UNC13C: variants seen among roughly 807,000 people sequenced by gnomAD.
UNC13C encodes protein unc-13 homolog C.
In UNC13C, 174 loss-of-function variants were observed where a neutral mutation model predicts 245.4. That is an observed-to-expected ratio of 0.71 (90% CI 0.63 to 0.80). UNC13C has a LOEUF of 0.80. Ranked by LOEUF, UNC13C falls within the 30% of genes least tolerant of loss-of-function variation. The pLI, the probability that UNC13C is intolerant of heterozygous loss-of-function variation, is 0.00. For synonymous variants in UNC13C, 992 were observed against 895.1 expected, an observed-to-expected ratio of 1.11 and a Z score of -1.93; for missense variants, 2,829 against 2,602.9, an observed-to-expected ratio of 1.09 and a Z score of -1.89.
chr15:53,940,717 A>G, the UNC13C span, among the ~76,000 whole-genome samples: 2 of 152,150 alleles, frequency 1.3e-5, no homozygotes, highest in African/African-American at 2.4e-5. Context: ...CCCATTCGCA[A>G]TTGCCACAAA....
intron 1 of UNC13C, among the ~76,000 whole-genome samples, chr15:54,007,648 A>G (rs572570611): frequency 6.6e-6 from 1 of 152,330 alleles, no homozygotes; most frequent in East Asian, 1.9e-4. Flanking sequence ...TAGGAAAAGT[A>G]GCGAAATGTG....
chr15:54,452,844 A>G (rs1891255693), intron 19 of UNC13C, among the ~76,000 whole-genome samples: 1 of 152,194 alleles, frequency 6.6e-6, no homozygotes, highest in Non-Finnish European at 1.5e-5. Flanking sequence ...TTCTATGTGC[A>G]TGAAAACGCA....
At chr15:54,240,748 C>T (rs2035829808) in intron 7 of UNC13C, among the ~76,000 whole-genome samples, 1 of 152,244 alleles carries the variant, frequency 6.6e-6, no homozygotes, top group East Asian at 1.9e-4. Flanking sequence ...TTCCATCTAG[C>T]TTAGTAACAT....
chr15:54,068,395 C>T (rs981779535), intron 2 of UNC13C, among the ~76,000 whole-genome samples: 3 of 152,134 alleles, frequency 2.0e-5, no homozygotes, highest in African/African-American at 7.2e-5. Context: ...CCCACTCCAC[C>T]ACACTGGGTC....
chr15:54,551,032 T>G (rs1896713039), intron 28 of UNC13C, among the ~76,000 whole-genome samples: 1 of 152,148 alleles, frequency 6.6e-6, no homozygotes, highest in Non-Finnish European at 1.5e-5. Context: ...TTTCAAGTGA[T>G]GGAAAGCCAA....
intron 4 of UNC13C, among the ~76,000 whole-genome samples, chr15:54,229,940 C>T (rs535282662): frequency 1.3e-5 from 2 of 151,992 alleles, no homozygotes; most frequent in Non-Finnish European, 2.9e-5. Flanking sequence ...TCCATTGTCA[C>T]AAATTGTAGG....
At chr15:54,209,192 A>G (rs974967750) in intron 4 of UNC13C, among the ~76,000 whole-genome samples, 37 of 152,160 alleles carry the variant, frequency 2.4e-4, no homozygotes, top group African/African-American at 8.4e-4. Flanking sequence ...TAGAACTGGA[A>G]GCACGATGGG....
chr15:54,061,025 A>C (rs1267022105), intron 2 of UNC13C, among the ~76,000 whole-genome samples: 1 of 152,142 alleles, frequency 6.6e-6, no homozygotes, highest in Non-Finnish European at 1.5e-5. Context: ...CTAAATGACG[A>C]GTTAATGGGT....
intron 17 of UNC13C, among the ~76,000 whole-genome samples, chr15:54,372,440 A>C (rs1224631751): frequency 3.3e-5 from 5 of 152,140 alleles, no homozygotes; most frequent in Non-Finnish European, 7.4e-5. Flanking sequence ...TAAGCACCTT[A>C]ATACTCGTGA....
chr15:54,419,119 G>A (rs1377392819), intron 19 of UNC13C, among the ~76,000 whole-genome samples: 1 of 152,128 alleles, frequency 6.6e-6, no homozygotes, highest in Non-Finnish European at 1.5e-5. Context: ...TGTTTGTAAT[G>A]CTATTATTTA....
chr15:54,323,447 T>G (rs1026445847), intron 14 of UNC13C, among the ~76,000 whole-genome samples: 14 of 152,030 alleles, frequency 9.2e-5, no homozygotes, highest in African/African-American at 3.4e-4. Context: ...CCTCAGTTCC[T>G]CAACATGCTC....
chr15:54,482,775 T>C (rs1342710147), intron 19 of UNC13C, among the ~76,000 whole-genome samples: 1 of 152,200 alleles, frequency 6.6e-6, no homozygotes, highest in Non-Finnish European at 1.5e-5. Context: ...AATTTTTCCC[T>C]AATGGGAAAA....
intron 30 of UNC13C, among the ~76,000 whole-genome samples, chr15:54,575,041 G>GTTTA (rs1242849174): frequency 2.6e-5 from 4 of 151,884 alleles, no homozygotes; most frequent in African/African-American, 9.7e-5. Flanking sequence ...TTATTTATTT[G>GTTTA]TTTATTTATT....
At chr15:54,344,275 G>GTA (rs2038807044) in intron 17 of UNC13C, among the ~76,000 whole-genome samples, 5 of 151,744 alleles carry the variant, frequency 3.3e-5, no homozygotes, top group East Asian at 1.9e-4. Context: ...CAACAACAAT[G>GTA]ATAAACGAAC....
At chr15:54,452,061 A>G (rs1891210999) in intron 19 of UNC13C, among the ~76,000 whole-genome samples, 1 of 152,208 alleles carries the variant, frequency 6.6e-6, no homozygotes, top group Non-Finnish European at 1.5e-5. Context: ...TGATTTCCTC[A>G]GTGACTTAGG....
the UNC13C span, among the ~76,000 whole-genome samples, chr15:53,902,784 T>G: frequency 6.6e-6 from 1 of 152,134 alleles, no homozygotes; most frequent in African/African-American, 2.4e-5. Flanking sequence ...AAATGCTTGG[T>G]GAGTACTGCA....
At chr15:54,187,549 C>T (rs1349060710) in intron 4 of UNC13C, among the ~76,000 whole-genome samples, 1 of 152,110 alleles carries the variant, frequency 6.6e-6, no homozygotes, top group African/African-American at 2.4e-5. Context: ...CTCTGATACC[C>T]CTCTGCTCAG....
intron 17 of UNC13C, among the ~76,000 whole-genome samples, chr15:54,374,393 C>G (rs140974773): frequency 6.6e-6 from 1 of 152,286 alleles, no homozygotes; most frequent in Non-Finnish European, 1.5e-5. Flanking sequence ...ACCCCCACCC[C>G]GGCCTCCCTC....
intron 28 of UNC13C, among the ~76,000 whole-genome samples, chr15:54,553,442 A>T (rs1450960613): frequency 1.8e-4 from 24 of 134,868 alleles, no homozygotes; most frequent in South Asian, 2.2e-4. Flanking sequence ...TATATAATAT[A>T]ATTATAATAT....
Sources: gnomAD v4.1 joint callset for allele counts (sites outside exome capture counted in the v4.1 genomes callset) on GRCh38, gnomAD v4.1.1 for gene constraint, MANE v1.5 for transcripts, NCBI Gene and HGNC (gene_info 2026-07-23, HGNC 2026-07-21) for gene names.